The following KIF13A variants were observed in gnomAD, a reference collection of about 807,000 sequenced individuals.
KIF13A encodes the protein kinesin-like protein KIF13A.
KIF13A carries 79 observed loss-of-function variants against 212.2 expected under a neutral mutation model. The observed-to-expected ratio is 0.37, with a 90% confidence interval of 0.31 to 0.45. The LOEUF (loss-of-function observed/expected upper bound fraction) is 0.45. Among genes scored for constraint, KIF13A ranks in the 20% least tolerant of loss-of-function variants. KIF13A has a pLI of 1.00. For synonymous variants in KIF13A, 789 were observed against 808.6 expected (o/e 0.98, Z 0.41); for missense variants, 1,901 against 2,209.0 (o/e 0.86, Z 2.79).
rs1010476133 is a variant in KIF13A, at chr6:17,967,260, C to A, written c.146+19794G>T. Among the ~76,000 whole-genome samples the A allele has an allele frequency of 1.3e-5, 2 of 152,156 alleles. No individual in the cohort carries two copies. Among genetic ancestry groups the A allele is most frequent in the African/African-American group, 4.8e-5 (2 of 41,432 alleles). ...AGGCAATATGCAATTGCTGTGTTTT[C>A]ATAATCTTAAAAACTCAGTAGTTAT... On this transcript the variant is annotated intron_variant, in intron 2 of 38. Coordinates refer to ENST00000259711, the MANE Select transcript of KIF13A (RefSeq NM_022113.6). The surrounding 1 kb of genome is among the most constrained non-coding windows in gnomAD (Gnocchi z 4.1).
intron 9 of KIF13A, among the ~76,000 whole-genome samples, chr6:17,841,999 A>ATGTGTG (rs373608113): frequency 5.5e-5 from 6 of 108,718 alleles, no homozygotes; most frequent in Admixed American, 8.1e-5. Context: ...ATATACACAT[A>ATGTGTG]CGTGTGTGTG....
chr6:17,898,705 T>G lies in KIF13A; in HGVS notation c.147-525A>C, dbSNP rs1187007732. On this transcript the variant is annotated intron_variant, in intron 2 of 38. Transcript: ENST00000259711. The surrounding 1 kb of genome is among the most constrained non-coding windows in gnomAD (Gnocchi z 5.2). ...ATATTTTTTAACACTGAATAGACATTTAAAAGCAAGTTTCCATTTTTTCCC... is the reference window on the plus strand; with the variant it reads ...ATATTTTTTAACACTGAATAGACATGTAAAAGCAAGTTTCCATTTTTTCCC... 6.6e-6 allele frequency among the ~76,000 whole-genome samples: 1 copy of G among 152,102 alleles called. No individual in the cohort carries two copies. Among genetic ancestry groups the G allele is most frequent in the East Asian group, 1.9e-4 (1 of 5,198 alleles).
In KIF13A at chr6:17,787,640, G is replaced by C; in HGVS notation, c.3361+136C>G. ...CACTCCAGCTTGGGTGACAGAGTGA[G>C]ACCCTGTCTTAAAACAACAACAACA... is the stretch of plus-strand genomic sequence containing the variant. On this transcript the variant is annotated intron_variant, in intron 27 of 38. Coordinates refer to ENST00000259711, the MANE Select transcript of KIF13A (RefSeq NM_022113.6). The surrounding 1 kb of genome is among the most constrained non-coding windows in gnomAD (Gnocchi z 4.6). 1.6e-6 allele frequency: 1 copy of C among 627,104 alleles called. No individual in the cohort carries two copies. Among genetic ancestry groups the C allele is most frequent in the Non-Finnish European group, 2.8e-6 (1 of 351,188 alleles). The allele number at this position is 627,104 out of a possible 1,614,324, so 38.8% of individuals were successfully genotyped here. A position where few individuals can be genotyped will look rare whatever the true frequency, so the allele number is the denominator to read the frequency against.
At chr6:17,767,512 T>TC (rs1375260809) in intron 38 of KIF13A, among the ~76,000 whole-genome samples, 10 of 151,854 alleles carry the variant, frequency 6.6e-5, no homozygotes, top group African/African-American at 1.9e-4. Context: ...GTCTCGGGCT[T>TC]CTAAAGTGCT....
chr6:17,794,106 G>C lies in KIF13A; in HGVS notation c.3222+143C>G. 1.7e-6 allele frequency: 1 copy of C among 591,060 alleles called. No homozygotes were observed. The highest frequency in any genetic ancestry group is 3.1e-5 in the South Asian group (1 of 32,308). The allele number at this position is 591,060 out of a possible 1,614,324, so 36.6% of individuals were successfully genotyped here. On this transcript the variant is annotated intron_variant, in intron 25 of 38. Transcript: ENST00000259711. This position sits in a 1 kb window ranked among gnomAD's most constrained non-coding sequence, Gnocchi z 4.1. ...ACTAAGCAAACAGATTTTAAAGCTA[G>C]AAAAAAGGCAATGGATGGAAATGTG...
chr6:17,775,211 C>G, intron 34 of KIF13A, 149 bp from the exon 35 acceptor site: 1 of 600,564 alleles, frequency 1.7e-6, no homozygotes, highest in South Asian at 2.3e-5. Context: ...AGTGACTACT[C>G]TCAATTTGGG....
intron 2 of KIF13A, among the ~76,000 whole-genome samples, chr6:17,916,801 A>C (rs536649792): frequency 2.6e-5 from 4 of 152,358 alleles, no homozygotes; most frequent in Non-Finnish European, 4.4e-5. Context: ...GGTATGAACA[A>C]GTGGCATTAA....
intron 20 of KIF13A, among the ~76,000 whole-genome samples, chr6:17,802,237 T>C (rs1762522075): frequency 6.6e-6 from 1 of 151,378 alleles, no homozygotes; most frequent in African/African-American, 2.4e-5. Context: ...ATGGAGGAAG[T>C]AGTAAGATGG....
intron 12 of KIF13A, among the ~76,000 whole-genome samples, chr6:17,832,305 G>A (rs992959689): frequency 6.6e-5 from 10 of 152,070 alleles, no homozygotes; most frequent in African/African-American, 2.4e-4. Context: ...TAAACATACA[G>A]CATTTCCTAA....
intron 2 of KIF13A, among the ~76,000 whole-genome samples, chr6:17,908,946 T>C (rs1298987716): frequency 1.3e-5 from 2 of 152,190 alleles, no homozygotes; most frequent in Non-Finnish European, 2.9e-5. Flanking sequence ...CATGTTGACC[T>C]TGGACAAGTT....
intron 6 of KIF13A, among the ~76,000 whole-genome samples, chr6:17,853,555 A>G (rs1767860671): frequency 6.6e-6 from 1 of 152,232 alleles, no homozygotes; most frequent in Non-Finnish European, 1.5e-5. Context: ...CAATGCTTTC[A>G]GAGCAGCACT....
chr6:17,949,748 TG>T (rs1315585540), intron 2 of KIF13A, among the ~76,000 whole-genome samples: 2 of 152,084 alleles, frequency 1.3e-5, no homozygotes, highest in Admixed American at 1.3e-4. Context: ...TTAAATGTCC[TG>T]CACTACACAG....
chr6:17,800,041 A>G lies in KIF13A; in HGVS notation c.2527T>C (p.Ser843Pro), dbSNP rs1356370675. ...AVPERVVEDD[S>P]SENSSESGSL... The stretch of plus-strand genomic sequence containing the variant: ...CCACTTTCACTGGAATTCTCCGAAG[A>G]GTCATCCTCCACCACACGCTCTGGA... Residue 843 changes from serine to proline, a missense_variant, in exon 21 of 39, where the codon TCT becomes CCT. Around this residue, in one of 5 missense-constraint regions of KIF13A, gnomAD observed 534 missense variants for 536.9 expected, o/e 0.99. Coordinates refer to ENST00000259711, the MANE Select transcript of KIF13A (RefSeq NM_022113.6). The G allele has an allele frequency of 1.2e-6, 2 of 1,614,020 alleles. No individual in the cohort carries two copies. The highest frequency in any genetic ancestry group is 1.7e-6 in the Non-Finnish European group (2 of 1,179,894).
rs1270789979 is a variant in KIF13A at position 17,856,324 on chromosome 6, A to G, written c.221-202T>C. ...AAACTACAGCTCAGTACCTGGATACACTGTTTCCCTCTAAGACACTTCTCT... is the reference window on the plus strand; with the variant it reads ...AAACTACAGCTCAGTACCTGGATACGCTGTTTCCCTCTAAGACACTTCTCT... On this transcript the variant is annotated intron_variant, in intron 4 of 38. Transcript: ENST00000259711. This position sits in a 1 kb window ranked among gnomAD's most constrained non-coding sequence, Gnocchi z 4.5. Among the ~76,000 whole-genome samples, 1 of 152,160 alleles carries G rather than the reference A, an allele frequency of 6.6e-6. No individual in the cohort carries two copies. Among genetic ancestry groups the G allele is most frequent in the Non-Finnish European group, 1.5e-5 (1 of 68,028 alleles).
At chr6:17,910,818 A>C (rs970499525) in intron 2 of KIF13A, among the ~76,000 whole-genome samples, 4 of 152,174 alleles carry the variant, frequency 2.6e-5, no homozygotes, top group African/African-American at 9.7e-5. Flanking sequence ...GCTGGAGTGC[A>C]GTGGTGTGAT....
Position 17,808,938 on chromosome 6 carries a change from G to A in KIF13A, c.2001-8C>T. ...TGTCGGAAGAGTTCATCCCTGCAGT[G>A]TCATAGAAAAGGGAACGAGAAAATC... On this transcript the variant is annotated splice_polypyrimidine_tract_variant and splice_region_variant and intron_variant, in intron 17 of 38. Transcript: ENST00000259711. 6.3e-7 allele frequency: 1 copy of A among 1,577,700 alleles called. No homozygotes were observed. Among genetic ancestry groups the A allele is most frequent in the Non-Finnish European group, 8.6e-7 (1 of 1,161,858 alleles).
Position 17,776,677 on chromosome 6 carries a change from C to A in KIF13A, c.4170+600G>T, listed in dbSNP as rs934720846. ...AAGCCTGTGTTTTTCCTTGGAAAGA[C>A]CTTACTTCTACTCAGCTGCTTCTGG... On this transcript the variant is annotated intron_variant, in intron 34 of 38. Transcript: ENST00000259711. The surrounding 1 kb of genome is among the most constrained non-coding windows in gnomAD (Gnocchi z 4.6). 6.6e-6 allele frequency among the ~76,000 whole-genome samples: 1 copy of A among 152,174 alleles called. No individual in the cohort carries two copies. The highest frequency in any genetic ancestry group is 1.5e-5 in the Non-Finnish European group (1 of 68,044).
chr6:17,824,767 AAAAAAAAAAAAAAC>A lies in KIF13A; in HGVS notation c.1786+987_1786+1000del, dbSNP rs60167596. Among the ~76,000 whole-genome samples the A allele has an allele frequency of 4.8e-3, 709 of 147,632 alleles. 4 individuals carry two copies. Among genetic ancestry groups the A allele is most frequent in the African/African-American group, 0.017 (672 of 40,156 alleles). ...CAGAGAGAGACTCCGTCTCAAAAAA[AAAAAAAAAAAAAAC>A]AAAACACCAAAATGCTCTTCAAGCC... is the stretch of plus-strand genomic sequence containing the variant. On this transcript the variant is annotated intron_variant, in intron 16 of 38. Transcript: ENST00000259711.
At position 17,809,035 on chromosome 6, in the gene KIF13A, G is replaced by T; in HGVS notation, c.2001-105C>A. Reference sequence around the variant, plus strand: ...AATGGGAGAAAACTCCTCTCGGGCAGTATTTTTCAAACTATTTTACCAGAC... The same window carrying T: ...AATGGGAGAAAACTCCTCTCGGGCATTATTTTTCAAACTATTTTACCAGAC... On this transcript the variant is annotated intron_variant, in intron 17 of 38. Coordinates refer to ENST00000259711, the MANE Select transcript of KIF13A (RefSeq NM_022113.6). The surrounding 1 kb of genome is among the most constrained non-coding windows in gnomAD (Gnocchi z 4.7). The T allele has an allele frequency of 9.3e-7, 1 of 1,080,130 alleles. No individual in the cohort carries two copies. Among genetic ancestry groups the T allele is most frequent in the Non-Finnish European group, 1.3e-6 (1 of 778,324 alleles). 66.9% of individuals were successfully genotyped at this position (1,080,130 alleles called of 1,614,324 possible).
Sources: allele counts gnomAD v4.1 joint callset (sites outside exome capture counted in the v4.1 genomes callset), GRCh38; gene constraint gnomAD v4.1.1; regional missense constraint gnomAD v4.1.1; non-coding constraint Gnocchi (gnomAD v3.1); transcripts MANE v1.5; gene names NCBI Gene and HGNC (gene_info 2026-07-23, HGNC 2026-07-21).